The following CHMP3 variants were observed in gnomAD, a reference collection of about 807,000 sequenced individuals.
The protein encoded by CHMP3 is charged multivesicular body protein 3, also known as 25.1 protein.
CHMP3 carries 8 observed loss-of-function variants against 27.4 expected under a neutral mutation model. That is an observed-to-expected ratio of 0.29 (90% CI 0.17 to 0.53). The LOEUF is 0.53. CHMP3 is among the 20% of genes least tolerant of loss of function. The pLI is 0.96. For synonymous variants in CHMP3, 86 were observed against 85.5 expected (o/e 1.01, Z -0.03); for missense variants, 208 against 271.5 (o/e 0.77, Z 1.64).
chr2:86,507,451 G>A (rs754015460), intron 5 of CHMP3, 28 bp downstream of exon 5: 1 of 1,596,302 alleles, frequency 6.3e-7, no homozygotes. Context: ...TAAAAAGAGA[G>A]GAGAAAGGAT....
At chr2:86,532,996 T>C (rs567286837) in intron 2 of CHMP3, among the ~76,000 whole-genome samples, 1 of 152,370 alleles carries the variant, frequency 6.6e-6, no homozygotes, top group South Asian at 2.1e-4. Flanking sequence ...TTGAGAAGCA[T>C]TGGTGTTAGT....
intron 3 of CHMP3, among the ~76,000 whole-genome samples, chr2:86,521,279 A>G (rs1325265931): frequency 6.6e-6 from 1 of 152,180 alleles, no homozygotes; most frequent in Non-Finnish European, 1.5e-5. Context: ...GTCTCTTCAC[A>G]TGGACGCGCA....
intron 1 of CHMP3, among the ~76,000 whole-genome samples, chr2:86,548,487 G>A (rs1676704832): frequency 6.6e-6 from 1 of 152,188 alleles, no homozygotes; most frequent in East Asian, 1.9e-4. Flanking sequence ...ACATGTTTCA[G>A]AGAGCACGGG....
rs1487411595 is a variant in CHMP3 at position 86,563,443 on chromosome 2, G to A, written c.-95C>T. 12 of 1,471,256 alleles carry A rather than the reference G, an allele frequency of 8.2e-6. No homozygotes were observed. Among genetic ancestry groups the A allele is most frequent in the African/African-American group, 1.4e-5 (1 of 72,080 alleles). 91.1% of individuals were successfully genotyped at this position (1,471,256 alleles called of 1,614,324 possible). On this transcript the variant is annotated 5_prime_UTR_variant, in exon 1 of 6. Transcript: ENST00000263856. Reference sequence around the variant, plus strand: ...CCTGGGCGGGGCCCGCGGAAAAGGAGGTAGTCCCAACCCCCAGAGTAGGGA... The same window carrying A: ...CCTGGGCGGGGCCCGCGGAAAAGGAAGTAGTCCCAACCCCCAGAGTAGGGA...
intron 2 of CHMP3, among the ~76,000 whole-genome samples, chr2:86,534,503 T>G (rs564960325): frequency 9.2e-5 from 14 of 152,214 alleles, no homozygotes; most frequent in African/African-American, 3.4e-4. Flanking sequence ...GCCTTCGTTC[T>G]TCAAGTCCCC....
chr2:86,513,332 G>A (rs1675176036), intron 3 of CHMP3, among the ~76,000 whole-genome samples: 1 of 152,212 alleles, frequency 6.6e-6, no homozygotes, highest in African/African-American at 2.4e-5. Flanking sequence ...AATAAAATCA[G>A]TGGTTGCCAA....
In CHMP3 at chr2:86,504,536, A is replaced by T. The variant is rs1169165749; in HGVS notation, c.*1268T>A. On this transcript the variant is annotated 3_prime_UTR_variant, in exon 6 of 6. Transcript: ENST00000263856. ...TTTTTTTTTTTTTTTTTGGAGAGAC[A>T]GGATCTTGCTATGTTGCCCAGGCTG... 1 of 115,100 alleles carries T rather than the reference A, an allele frequency of 8.7e-6. No individual in the cohort carries two copies. The highest frequency in any genetic ancestry group is 3.6e-5 in the African/African-American group (1 of 28,046). The allele number at this position is 115,100 out of a possible 1,614,324, so 7.1% of individuals were successfully genotyped here. A position where few individuals can be genotyped will look rare whatever the true frequency, so the allele number is the denominator to read the frequency against.
chr2:86,557,486 C>A (rs746193567), intron 1 of CHMP3, among the ~76,000 whole-genome samples: 4 of 152,158 alleles, frequency 2.6e-5, no homozygotes, highest in Non-Finnish European at 5.9e-5. Flanking sequence ...CTTTAGTAGG[C>A]ATGACACACA....
chr2:86,540,515 C>G (rs1053958113), intron 2 of CHMP3: 1 of 152,058 alleles, frequency 6.6e-6, no homozygotes, highest in East Asian at 1.9e-4. Context: ...ATCAGAAAAT[C>G]CGAAATCCAA....
chr2:86,541,615 C>T (rs1676364801), intron 2 of CHMP3, among the ~76,000 whole-genome samples: 1 of 152,084 alleles, frequency 6.6e-6, no homozygotes, highest in Admixed American at 6.6e-5. Flanking sequence ...TGCCAGCTGC[C>T]CAATGTTTGA....
At chr2:86,552,965 T>C (rs1676968280) in intron 1 of CHMP3, among the ~76,000 whole-genome samples, 1 of 129,630 alleles carries the variant, frequency 7.7e-6, no homozygotes, top group Admixed American at 9.7e-5. Flanking sequence ...TGAGAACACA[T>C]GGGCACATGG....
intron 4 of CHMP3, among the ~76,000 whole-genome samples, chr2:86,509,554 T>C (rs1228291206): frequency 6.6e-6 from 1 of 152,180 alleles, no homozygotes; most frequent in Non-Finnish European, 1.5e-5. Flanking sequence ...GAATTTGAGG[T>C]GTACACTCTT....
chr2:86,518,921 T>A (rs922168462), intron 3 of CHMP3, among the ~76,000 whole-genome samples: 1 of 152,214 alleles, frequency 6.6e-6, no homozygotes, highest in Non-Finnish European at 1.5e-5. Context: ...ACTGTTTCAC[T>A]GGGAAAAACT....
At chr2:86,558,480 T>C (rs1677214586) in intron 1 of CHMP3, among the ~76,000 whole-genome samples, 1 of 152,222 alleles carries the variant, frequency 6.6e-6, no homozygotes, top group South Asian at 2.1e-4. Flanking sequence ...TCACTCATCA[T>C]TTAACAAATA....
rs1674798777 is a variant in CHMP3 at position 86,504,100 on chromosome 2, G to A, written c.*1704C>T. On this transcript the variant is annotated 3_prime_UTR_variant, in exon 6 of 6. Transcript: ENST00000263856. ...TTTAAAGTGGTTGCCAGGGGATTAG[G>A]GAAGAAAGGGATGAACAGGTGAAGC... 6.6e-6 allele frequency: 1 copy of A among 152,104 alleles called. No homozygotes were observed. Among genetic ancestry groups the A allele is most frequent in the South Asian group, 2.1e-4 (1 of 4,828 alleles). The allele number at this position is 152,104 out of a possible 1,614,324, so 9.4% of individuals were successfully genotyped here. A position where few individuals can be genotyped will look rare whatever the true frequency, so the allele number is the denominator to read the frequency against.
At chr2:86,547,883 C>G (rs1455818840) in intron 1 of CHMP3, among the ~76,000 whole-genome samples, 2 of 152,044 alleles carry the variant, frequency 1.3e-5, no homozygotes, top group Non-Finnish European at 2.9e-5. Context: ...CACAAGGAAC[C>G]TATAGAAAGA....
chr2:86,547,884 T>G (rs535193021), intron 1 of CHMP3, among the ~76,000 whole-genome samples: 1 of 152,178 alleles, frequency 6.6e-6, no homozygotes, highest in Non-Finnish European at 1.5e-5. Flanking sequence ...ACAAGGAACC[T>G]ATAGAAAGAG....
chr2:86,555,558 A>C (rs1412556804), intron 1 of CHMP3, among the ~76,000 whole-genome samples: 2 of 152,172 alleles, frequency 1.3e-5, no homozygotes, highest in East Asian at 3.8e-4. Flanking sequence ...CTAAAGCCAG[A>C]AATCTGAGTA....
intron 1 of CHMP3, chr2:86,562,916 A>G (rs1487843302): frequency 5.6e-6 from 1 of 177,880 alleles, no homozygotes; most frequent in East Asian, 1.5e-4. Flanking sequence ...TTCGGGCAGG[A>G]GAAGGTTCTC....
Sources: allele counts gnomAD v4.1 joint callset (sites outside exome capture counted in the v4.1 genomes callset), GRCh38; gene constraint gnomAD v4.1.1; transcripts MANE v1.5; gene names NCBI Gene and HGNC (gene_info 2026-07-23, HGNC 2026-07-21).